Variants in KLB observed in about 807,000 individuals in gnomAD.
The protein encoded by KLB is beta-klotho.
A neutral mutation model predicts 88.4 loss-of-function variants in KLB; 44 were observed. That is an observed-to-expected ratio of 0.50 (90% CI 0.39 to 0.64). The LOEUF (loss-of-function observed/expected upper bound fraction) is 0.64, where lower values mean the gene tolerates loss of function less well. KLB is among the 30% of genes least tolerant of loss of function. The pLI is 0.00. For missense variants in KLB, 1,137 were observed against 1,304.8 expected (o/e 0.87, Z 1.98); for synonymous variants, 548 against 513.4 (o/e 1.07, Z -0.91).
chr4:39,433,401 T>G (rs1743404001), intron 1 of KLB, among the ~76,000 whole-genome samples: 1 of 152,340 alleles, frequency 6.6e-6, no homozygotes, highest in East Asian at 1.9e-4. Flanking sequence ...GAGCTTACTC[T>G]GTGCTAGGCA....
At chr4:39,424,157 C>A (rs915290403) in intron 1 of KLB, among the ~76,000 whole-genome samples, 6 of 151,756 alleles carry the variant, frequency 4.0e-5, no homozygotes, top group Non-Finnish European at 7.3e-5. Context: ...GCAGCCTCAA[C>A]CTCCGTGGGC....
chr4:39,435,769 A>G (rs1578210982), intron 2 of KLB, among the ~76,000 whole-genome samples: 1 of 152,288 alleles, frequency 6.6e-6, no homozygotes, highest in Non-Finnish European at 1.5e-5. Flanking sequence ...TGTTATTCCC[A>G]TGTCCTTTTT....
chr4:39,440,005 A>T (rs1363899684), intron 3 of KLB, among the ~76,000 whole-genome samples: 2 of 150,214 alleles, frequency 1.3e-5, no homozygotes, highest in African/African-American at 2.5e-5. Flanking sequence ...GGTTTCACCA[A>T]GTTGGCCAGG....
At chr4:39,435,069 A>G (rs966739857) in intron 2 of KLB, among the ~76,000 whole-genome samples, 2 of 151,868 alleles carry the variant, frequency 1.3e-5, no homozygotes, top group African/African-American at 4.8e-5. Context: ...AGCCTCCCAA[A>G]GTGCTGGGAT....
Position 39,407,655 on chromosome 4 carries a change from T to A in KLB, c.706T>A (p.Trp236Arg). Residue 236 changes from tryptophan (W) to arginine (R), a missense_variant, in exon 1 of 5, where the codon TGG becomes AGG. This residue lies in a region of KLB where 597 missense variants were observed against 765.2 expected (regional missense o/e 0.78). Coordinates refer to ENST00000257408, the MANE Select transcript of KLB (RefSeq NM_175737.4). ...GATGTTTGGGGACCGTGTCAAATAT[T>A]GGATTACAATTCACAACCCATATCT... ...FQMFGDRVKYWITIHNPYLVA... is the reference protein window; with the variant it reads ...FQMFGDRVKYRITIHNPYLVA... 6.2e-7 allele frequency: 1 copy of A among 1,614,070 alleles called. No homozygotes were observed. Among genetic ancestry groups the A allele is most frequent in the Non-Finnish European group, 8.5e-7 (1 of 1,179,922 alleles).
At position 39,448,402 on chromosome 4, in the gene KLB, G is replaced by A. The variant is rs768003378; in HGVS notation, c.2851G>A (p.Ala951Thr). 5.0e-6 allele frequency: 8 copies of A among 1,613,974 alleles called. No homozygotes were observed. The South Asian group carries it at 8.8e-5, about 18-fold the overall frequency. The change falls in exon 5 of 5, where the codon GCT becomes ACT. Residue 951 changes from alanine (A) to threonine (T), a missense_variant. Transcript: ENST00000257408. ...RFGFFTSDFK[A>T]KSSIQFYNKV... ...TGGATTCTTCACATCTGATTTTAAA[G>A]CTAAATCCTCAATACAATTTTACAA...
At chr4:39,419,942 C>A in intron 1 of KLB, among the ~76,000 whole-genome samples, 3 of 40,572 alleles carry the variant, frequency 7.4e-5, no homozygotes, top group East Asian at 4.4e-4. Flanking sequence ...AAAACTTCAT[C>A]TCAAAAAAAA....
chr4:39,448,185 AAATCACTACCTTTATTAT>A, intron 4 of KLB, 98 bp from the exon 5 acceptor site: 1 of 718,070 alleles, frequency 1.4e-6, no homozygotes, highest in Non-Finnish European at 2.2e-6. Flanking sequence ...CCTCTAATAA[AAATCACTACCTTTATTAT>A]GGGCATAATT....
intron 1 of KLB, among the ~76,000 whole-genome samples, chr4:39,426,739 G>A (rs760443141): frequency 4.0e-5 from 6 of 151,456 alleles, no homozygotes; most frequent in Non-Finnish European, 7.4e-5. Flanking sequence ...CTGGGCTGGA[G>A]TGCAGTGGCA....
intron 1 of KLB, among the ~76,000 whole-genome samples, chr4:39,417,702 T>C (rs13147477): frequency 0.24 from 36,211 of 152,186 alleles, 4,545 homozygotes; most frequent in East Asian, 0.36. Flanking sequence ...TCTATCATAT[T>C]CTTTTAAATT....
intron 2 of KLB, among the ~76,000 whole-genome samples, chr4:39,436,834 C>T (rs1047009553): frequency 2.6e-5 from 4 of 152,066 alleles, no homozygotes; most frequent in East Asian, 1.9e-4. Flanking sequence ...CTCAGCCTCC[C>T]GAGTAGCTGG....
At chr4:39,438,329 A>G (rs1465678422) in intron 3 of KLB, among the ~76,000 whole-genome samples, 1 of 152,154 alleles carries the variant, frequency 6.6e-6, no homozygotes, top group Non-Finnish European at 1.5e-5. Flanking sequence ...TTGTTTTCAG[A>G]TTTTTGTTTT....
In KLB at chr4:39,440,887, T is replaced by C. The variant is rs184614394; in HGVS notation, c.1605+2892T>C. On this transcript the variant is annotated intron_variant, in intron 3 of 4. Coordinates refer to ENST00000257408, the MANE Select transcript of KLB (RefSeq NM_175737.4). The stretch of plus-strand genomic sequence containing the variant: ...ATATTTATTTATTTGAAATAGAGTC[T>C]CACTTTGTCTTCCAGGCTGGAGTGC... Among the ~76,000 whole-genome samples the C allele has an allele frequency of 5.0e-4, 76 of 152,254 alleles. No homozygotes were observed. In the South Asian group the frequency reaches 0.014, roughly 28 times the overall value.
intron 1 of KLB, among the ~76,000 whole-genome samples, chr4:39,433,459 A>G (rs1330017637): frequency 6.6e-6 from 1 of 152,150 alleles, no homozygotes; most frequent in Non-Finnish European, 1.5e-5. Flanking sequence ...TTCTCACAAC[A>G]TCCCTAGGAG....
In KLB at chr4:39,450,113, G is replaced by A. The variant is rs954983399; in HGVS notation, c.*1427G>A. On this transcript the variant is annotated 3_prime_UTR_variant, in exon 5 of 5. Coordinates refer to ENST00000257408, the MANE Select transcript of KLB (RefSeq NM_175737.4). ...TTATATAGCACCCTTTTGGGCTAGG[G>A]TTAATTACTAGATCTGACTTGGATA... The A allele has an allele frequency of 6.6e-6, 1 of 152,118 alleles. No individual in the cohort carries two copies. Among genetic ancestry groups the A allele is most frequent in the African/African-American group, 2.4e-5 (1 of 41,420 alleles). The allele number at this position is 152,118 out of a possible 1,614,324, so 9.4% of individuals were successfully genotyped here. A position where few individuals can be genotyped will look rare whatever the true frequency, so the allele number is the denominator to read the frequency against.
Position 39,407,646 on chromosome 4 carries a change from G to A in KLB, c.697G>A (p.Val233Ile). Residue 233 changes from valine to isoleucine, a missense_variant, in exon 1 of 5, where the codon GTC becomes ATC. Physicochemically the swap from Val to Ile is conservative, Grantham distance 29 (BLOSUM62 3). This residue lies in a region of KLB where 597 missense variants were observed against 765.2 expected (regional missense o/e 0.78). Transcript: ENST00000257408. Reference sequence around the variant, plus strand: ...CTGTTTCCAGATGTTTGGGGACCGTGTCAAATATTGGATTACAATTCACAA... The same window carrying A: ...CTGTTTCCAGATGTTTGGGGACCGTATCAAATATTGGATTACAATTCACAA... ...TYCFQMFGDR[V>I]KYWITIHNPY... is the part of the protein sequence containing the mutation. 2 of 1,613,974 alleles carry A rather than the reference G, an allele frequency of 1.2e-6. No homozygotes were observed. The highest frequency in any genetic ancestry group is 1.7e-6 in the Non-Finnish European group (2 of 1,179,876).
rs186623214 is a variant in KLB, at chr4:39,418,385, G to A, written c.825+10611G>A. ...CTCCCAAGTAGCTAAGACTACAGGC[G>A]TGAGCCACCGTGCCAGCTGATTTTT... On this transcript the variant is annotated intron_variant, in intron 1 of 4. Coordinates refer to ENST00000257408, the MANE Select transcript of KLB (RefSeq NM_175737.4). Among the ~76,000 whole-genome samples, 316 of 152,058 alleles carry A rather than the reference G, an allele frequency of 2.1e-3. 3 individuals carry two copies. Among genetic ancestry groups the A allele is most frequent in the Middle Eastern group, 0.02 (6 of 294 alleles).
intron 1 of KLB, among the ~76,000 whole-genome samples, chr4:39,408,694 T>C (rs1018744751): frequency 1.3e-5 from 2 of 152,024 alleles, no homozygotes; most frequent in African/African-American, 4.8e-5. Context: ...GACAACATAA[T>C]TAACACTAAC....
intron 1 of KLB, among the ~76,000 whole-genome samples, chr4:39,413,216 G>A (rs1742892844): frequency 6.6e-6 from 1 of 152,134 alleles, no homozygotes; most frequent in African/African-American, 2.4e-5. Flanking sequence ...ATGCAGCAAA[G>A]CCCCAAGGGT....
Sources: gnomAD v4.1 joint callset for allele counts (sites outside exome capture counted in the v4.1 genomes callset) on GRCh38, gnomAD v4.1.1 for gene constraint, gnomAD v4.1.1 regional missense constraint, MANE v1.5 for transcripts, NCBI Gene and HGNC (gene_info 2026-07-23, HGNC 2026-07-21) for gene names.